Variants in NOVA1 observed in about 807,000 individuals in gnomAD.
NOVA1 encodes the protein RNA-binding protein Nova-1.
Under a neutral mutation model 38.0 loss-of-function variants are expected in NOVA1, and 7 were observed. The observed-to-expected ratio is 0.18, with a 90% confidence interval of 0.10 to 0.35. The LOEUF (loss-of-function observed/expected upper bound fraction) is 0.35, where lower values mean the gene tolerates loss of function less well. Among genes scored for constraint, NOVA1 ranks in the 10% least tolerant of loss-of-function variants. The pLI, the probability that NOVA1 is intolerant of heterozygous loss-of-function variation, is 1.00. For missense variants in NOVA1, 460 were observed against 616.0 expected (o/e 0.75, Z 2.68); for synonymous variants, 270 against 232.5 (o/e 1.16, Z -1.47).
At chr14:26,529,076 C>T (rs979808733) in intron 2 of NOVA1, among the ~76,000 whole-genome samples, 1 of 152,030 alleles carries the variant, frequency 6.6e-6, no homozygotes, top group Non-Finnish European at 1.5e-5. Flanking sequence ...GGCATATTTG[C>T]TCTCAGCCCC....
chr14:26,534,961 A>G (rs373862038), intron 2 of NOVA1, among the ~76,000 whole-genome samples: 4 of 152,318 alleles, frequency 2.6e-5, no homozygotes, highest in African/African-American at 9.6e-5. Flanking sequence ...TTGAGGCTTG[A>G]TTTTAACCCA....
chr14:26,506,778 T>C (rs1437844848), intron 2 of NOVA1, among the ~76,000 whole-genome samples: 2 of 151,840 alleles, frequency 1.3e-5, no homozygotes, highest in Admixed American at 6.6e-5. Flanking sequence ...CGGGGATTCA[T>C]CATGTTGGCC....
chr14:26,489,928 C>G (rs1050444753), intron 2 of NOVA1, among the ~76,000 whole-genome samples: 1 of 152,108 alleles, frequency 6.6e-6, no homozygotes, highest in Non-Finnish European at 1.5e-5. Flanking sequence ...TAATTAAATT[C>G]AAATGTTGTA....
intron 2 of NOVA1, among the ~76,000 whole-genome samples, chr14:26,509,291 T>C (rs1239919642): frequency 6.6e-6 from 1 of 152,158 alleles, no homozygotes; most frequent in Non-Finnish European, 1.5e-5. Context: ...ATCACAGTTA[T>C]ATAGGATACA....
chr14:26,533,904 T>C (rs1335049400), intron 2 of NOVA1, among the ~76,000 whole-genome samples: 3 of 151,960 alleles, frequency 2.0e-5, no homozygotes, highest in African/African-American at 7.2e-5. Context: ...AGCCAAGAAA[T>C]GAAAAAGGCC....
intron 4 of NOVA1, among the ~76,000 whole-genome samples, chr14:26,464,759 T>A (rs1224448584): frequency 1.3e-5 from 2 of 152,154 alleles, no homozygotes; most frequent in Non-Finnish European, 2.9e-5. Context: ...AATATATTTA[T>A]ATTTTAATTT....
intron 2 of NOVA1, among the ~76,000 whole-genome samples, chr14:26,525,480 G>A (rs184815951): frequency 1.3e-5 from 2 of 152,206 alleles, no homozygotes; most frequent in East Asian, 1.9e-4. Context: ...AAACACTTTT[G>A]TGTATAAAAC....
rs928782965 is a variant in NOVA1 at position 26,514,198 on chromosome 14, T to A, written c.281-34055A>T. Among the ~76,000 whole-genome samples the A allele has an allele frequency of 2.6e-5, 4 of 151,886 alleles. No individual in the cohort carries two copies. The East Asian group carries it at 7.7e-4, about 29-fold the overall frequency. On this transcript the variant is annotated intron_variant, in intron 2 of 4. Transcript: ENST00000539517. ...ATATAGTTAAAAATTTATGTCAATG[T>A]AAGTATAGGCACAATATATAGATTT...
chr14:26,579,315 C>G (rs1893066566), intron 2 of NOVA1, among the ~76,000 whole-genome samples: 1 of 152,072 alleles, frequency 6.6e-6, no homozygotes, highest in African/African-American at 2.4e-5. Flanking sequence ...CTCGGCCTCC[C>G]AAATGCTGGG....
intron 2 of NOVA1, among the ~76,000 whole-genome samples, chr14:26,554,137 AAAAAGAAAGAAAAGGAAG>A (rs1441771469): frequency 2.0e-5 from 3 of 148,936 alleles, no homozygotes; most frequent in Admixed American, 1.3e-4. Flanking sequence ...TGAAAAAAAA[AAAAAGAAAGAAAAGGAAG>A]AAAAAGAAAG....
intron 2 of NOVA1, among the ~76,000 whole-genome samples, chr14:26,558,590 A>T (rs1188057662): frequency 1.3e-5 from 2 of 152,148 alleles, no homozygotes; most frequent in Non-Finnish European, 2.9e-5. Context: ...AAACTAAAAA[A>T]TTAAAGTGCA....
intron 4 of NOVA1, chr14:26,470,285 C>T: frequency 7.5e-7 from 1 of 1,336,470 alleles, no homozygotes; most frequent in Non-Finnish European, 1.0e-6. Context: ...GGACTATTGA[C>T]AAGAAACAAA....
chr14:26,551,543 C>T (rs1194258427), intron 2 of NOVA1, among the ~76,000 whole-genome samples: 1 of 151,970 alleles, frequency 6.6e-6, no homozygotes, highest in African/African-American at 2.4e-5. Context: ...TTTTAGAATC[C>T]TGCCACATAC....
At chr14:26,596,261 T>C (rs912035202) in intron 1 of NOVA1, among the ~76,000 whole-genome samples, 2 of 152,156 alleles carry the variant, frequency 1.3e-5, no homozygotes, top group Non-Finnish European at 2.9e-5. Context: ...ATTCTGCCAA[T>C]ACTAAAAAGC....
At chr14:26,472,134 T>C (rs1277850783) in intron 4 of NOVA1, 186 bp downstream of exon 4, 1 of 518,184 alleles carries the variant, frequency 1.9e-6, no homozygotes, top group Non-Finnish European at 3.4e-6. Flanking sequence ...ATTTGTTATC[T>C]AAAATTAAAA....
At chr14:26,507,789 A>G (rs984830089) in intron 2 of NOVA1, among the ~76,000 whole-genome samples, 1 of 152,130 alleles carries the variant, frequency 6.6e-6, no homozygotes, top group Non-Finnish European at 1.5e-5. Flanking sequence ...ATCAAAACAT[A>G]AATGTGTATG....
intron 2 of NOVA1, among the ~76,000 whole-genome samples, chr14:26,485,391 A>ATC (rs1491310116): frequency 2.0e-5 from 3 of 152,162 alleles, no homozygotes; most frequent in Non-Finnish European, 4.4e-5. Flanking sequence ...AAACTATAAT[A>ATC]AGTTATAATT....
At chr14:26,522,446 A>G (rs1566501141) in intron 2 of NOVA1, among the ~76,000 whole-genome samples, 1 of 152,276 alleles carries the variant, frequency 6.6e-6, no homozygotes, top group East Asian at 1.9e-4. Flanking sequence ...ACATGACTTC[A>G]CTGAAGTTTA....
chr14:26,500,866 T>G (rs1190917267), intron 2 of NOVA1, among the ~76,000 whole-genome samples: 2 of 151,982 alleles, frequency 1.3e-5, no homozygotes, highest in Non-Finnish European at 2.9e-5. Flanking sequence ...ATATTTGTCA[T>G]ATAATATGAT....
Sources: gnomAD v4.1 joint callset for allele counts (sites outside exome capture counted in the v4.1 genomes callset) on GRCh38, gnomAD v4.1.1 for gene constraint, MANE v1.5 for transcripts, NCBI Gene and HGNC (gene_info 2026-07-23, HGNC 2026-07-21) for gene names.